Variants in PECR observed in about 807,000 individuals in gnomAD.
The protein encoded by PECR is peroxisomal trans-2-enoyl-CoA reductase.
Under a neutral mutation model 35.3 loss-of-function variants are expected in PECR, and 30 were observed. The ratio of observed to expected loss-of-function variants is 0.85; its 90% CI spans 0.64 to 1.15. The LOEUF is 1.15. Ranked by LOEUF, PECR falls within the 50% of genes most tolerant of loss-of-function variation. The probability of loss-of-function intolerance (pLI) is 0.00; values close to 1 mark genes in which losing one functional copy is unlikely to be tolerated. For missense variants in PECR, 392 were observed against 370.8 expected (o/e 1.06, Z -0.47); for synonymous variants, 148 against 138.9 (o/e 1.07, Z -0.46).
At chr2:216,064,625 T>G (rs1695426034) in intron 3 of PECR, among the ~76,000 whole-genome samples, 1 of 152,144 alleles carries the variant, frequency 6.6e-6, no homozygotes. Context: ...TGTTTCTGGG[T>G]TTTTCCACTG....
Position 216,051,646 on chromosome 2 carries a change from A to C in PECR, c.507-101T>G, listed in dbSNP as rs1197548735. 12 of 783,390 alleles carry C rather than the reference A, an allele frequency of 1.5e-5. 1 individual carries two copies. The Admixed American group carries it at 2.3e-4, about 15-fold the overall frequency. 48.5% of individuals were successfully genotyped at this position (783,390 alleles called of 1,614,324 possible). On this transcript the variant is annotated intron_variant, in intron 4 of 7. Transcript: ENST00000265322. ...GCCAACTACCTGACAGAATTCCACA[A>C]GAGACTTCTTGCTATGGAGTCTGTC...
intron 7 of PECR, among the ~76,000 whole-genome samples, chr2:216,031,429 A>AAAGAAAAG (rs1559203801): frequency 2.7e-5 from 2 of 74,642 alleles, no homozygotes; most frequent in Non-Finnish European, 4.9e-5. Context: ...AGAAAGAAAG[A>AAAGAAAAG]AAAGAAAGAA....
chr2:216,065,960 T>A (rs1487249284), intron 2 of PECR, among the ~76,000 whole-genome samples: 7 of 152,164 alleles, frequency 4.6e-5, no homozygotes, highest in Non-Finnish European at 1.0e-4. Flanking sequence ...CCCGTCTTTA[T>A]GAAAAATACA....
intron 7 of PECR, among the ~76,000 whole-genome samples, chr2:216,039,724 C>T (rs753210773): frequency 6.6e-6 from 1 of 152,110 alleles, no homozygotes; most frequent in Non-Finnish European, 1.5e-5. Context: ...AAATAGTGTC[C>T]TTACTTTGTA....
intron 5 of PECR, 29 bp downstream of exon 5, chr2:216,051,420 A>G (rs771942436): frequency 7.5e-7 from 1 of 1,331,242 alleles, no homozygotes; most frequent in Non-Finnish European, 1.1e-6. Context: ...TAATTTGTCA[A>G]TAAATTTCAA....
chr2:216,051,441 T>A lies in PECR; in HGVS notation c.603+8A>T. On this transcript the variant is annotated splice_region_variant and intron_variant, in intron 5 of 7. Coordinates refer to ENST00000265322, the MANE Select transcript of PECR (RefSeq NM_018441.6). ...GTCAATAAATTTCAATATAGATCGT[T>A]TACCTACAGGGGCAACACAATTGAT... The A allele has an allele frequency of 6.5e-7, 1 of 1,531,298 alleles. No homozygotes were observed. Among genetic ancestry groups the A allele is most frequent in the Non-Finnish European group, 9.1e-7 (1 of 1,104,320 alleles). The allele number at this position is 1,531,298 out of a possible 1,614,324, so 94.9% of individuals were successfully genotyped here. A position where few individuals can be genotyped will look rare whatever the true frequency, so the allele number is the denominator to read the frequency against.
At chr2:216,081,571 C>A in intron 1 of PECR, 47 bp downstream of exon 1, 1 of 1,611,940 alleles carries the variant, frequency 6.2e-7, no homozygotes, top group South Asian at 1.1e-5. Context: ...CCAGGTTACC[C>A]CAGGTCACCA....
At chr2:216,074,696 C>T (rs1341377550) in intron 1 of PECR, among the ~76,000 whole-genome samples, 2 of 152,174 alleles carry the variant, frequency 1.3e-5, no homozygotes, top group East Asian at 3.8e-4. Flanking sequence ...TAAATTATAA[C>T]TAGTTACTAT....
chr2:216,081,543 A>C, intron 1 of PECR, 75 bp downstream of exon 1: 1 of 1,586,452 alleles, frequency 6.3e-7, no homozygotes, highest in Non-Finnish European at 8.6e-7. Flanking sequence ...CCCCGCCGAG[A>C]GCTCCTGGCT....
chr2:216,063,077 T>C (rs1404233316), intron 3 of PECR, among the ~76,000 whole-genome samples: 1 of 152,262 alleles, frequency 6.6e-6, no homozygotes, highest in Non-Finnish European at 1.5e-5. Flanking sequence ...TCTATTCATA[T>C]ATATGCACAC....
chr2:216,038,904 C>T lies in PECR; in HGVS notation c.*371G>A, dbSNP rs1463718088. ...CCTCCCAAAGTGCTGGAATTACAGGCGTGAGCCACTGCGTCTGGCCTCTAC... is the reference window on the plus strand; with the variant it reads ...CCTCCCAAAGTGCTGGAATTACAGGTGTGAGCCACTGCGTCTGGCCTCTAC... On this transcript the variant is annotated 3_prime_UTR_variant, in exon 8 of 8. Coordinates refer to ENST00000265322, the MANE Select transcript of PECR (RefSeq NM_018441.6). The T allele has an allele frequency of 1.3e-5, 3 of 236,210 alleles. No homozygotes were observed. The highest frequency in any genetic ancestry group is 5.2e-5 in the Admixed American group (1 of 19,114). 14.6% of individuals were successfully genotyped at this position (236,210 alleles called of 1,614,324 possible). A position where few individuals can be genotyped will look rare whatever the true frequency, so the allele number is the denominator to read the frequency against.
At position 216,067,402 on chromosome 2, in the gene PECR, G is replaced by A. The variant is rs1348581204; in HGVS notation, c.125-884C>T. The stretch of plus-strand genomic sequence containing the variant: ...GAAAAAAACCTTTCACGGGGCATTC[G>A]GTAAAATATGCAGAAGCAGATGGCT... On this transcript the variant is annotated intron_variant, in intron 1 of 7. Transcript: ENST00000265322. Among the ~76,000 whole-genome samples, 6 of 152,134 alleles carry A rather than the reference G, an allele frequency of 3.9e-5. No individual in the cohort carries two copies. The South Asian group carries it at 6.2e-4, about 16-fold the overall frequency.
At chr2:216,045,519 AAT>A (rs1210940906) in intron 6 of PECR, among the ~76,000 whole-genome samples, 1 of 152,236 alleles carries the variant, frequency 6.6e-6, no homozygotes, top group Non-Finnish European at 1.5e-5. Context: ...GGCTAAGTCA[AAT>A]ATATTATTAA....
chr2:216,042,877 C>T (rs957793122), intron 7 of PECR, among the ~76,000 whole-genome samples: 3 of 151,188 alleles, frequency 2.0e-5, no homozygotes, highest in Non-Finnish European at 2.9e-5. Context: ...CTACCTCAGC[C>T]TCCCAAGTAG....
downstream of PECR, among the ~76,000 whole-genome samples, chr2:216,034,438 T>G (rs1310783801): frequency 6.6e-6 from 1 of 152,144 alleles, no homozygotes; most frequent in Admixed American, 6.5e-5. Flanking sequence ...GTGGTTCCCA[T>G]GGGTGACTTT....
At chr2:216,049,180 A>G in intron 6 of PECR, 83 bp downstream of exon 6, 1 of 791,982 alleles carries the variant, frequency 1.3e-6, no homozygotes, top group Non-Finnish European at 2.3e-6. Context: ...AATGTCGTCC[A>G]GACCGCATAA....
At chr2:216,048,854 A>C (rs928417036) in intron 6 of PECR, among the ~76,000 whole-genome samples, 4 of 151,662 alleles carry the variant, frequency 2.6e-5, no homozygotes, top group Non-Finnish European at 4.4e-5. Context: ...AAAAAAAAAA[A>C]AAAAAAAAAA....
rs1334415555 is a variant in PECR at position 216,079,385 on chromosome 2, TG to T, written c.124+2232del. 6.5e-3 allele frequency among the ~76,000 whole-genome samples: 984 copies of T among 151,576 alleles called. 6 individuals carry two copies. Among genetic ancestry groups the T allele is most frequent in the African/African-American group, 0.023 (934 of 41,436 alleles). ...CATATGTAATACTTTTTTTTTTTTT[TG>T]ATACTGAGTCTTGCTCTGTCGCCCA... On this transcript the variant is annotated intron_variant, in intron 1 of 7. Transcript: ENST00000265322.
At chr2:216,035,198 A>C (rs1385406040), downstream of PECR, among the ~76,000 whole-genome samples, 2 of 152,144 alleles carry the variant, frequency 1.3e-5, no homozygotes, top group African/African-American at 4.8e-5. Context: ...GGTGATGGAG[A>C]GACATTGGAG....
Sources: allele counts gnomAD v4.1 joint callset (sites outside exome capture counted in the v4.1 genomes callset), GRCh38; gene constraint gnomAD v4.1.1; transcripts MANE v1.5; gene names NCBI Gene and HGNC (gene_info 2026-07-23, HGNC 2026-07-21).